The following KIF1B variants were observed in gnomAD, a reference collection of about 807,000 sequenced individuals.
KIF1B encodes kinesin-like protein KIF1B.
A neutral mutation model predicts 241.9 loss-of-function variants in KIF1B; 76 were observed. The ratio of observed to expected loss-of-function variants is 0.31; its 90% confidence interval spans 0.26 to 0.38. The LOEUF (loss-of-function observed/expected upper bound fraction) is 0.38. KIF1B is among the 10% of genes least tolerant of loss of function. The probability of loss-of-function intolerance (pLI) is 1.00; values close to 1 mark genes in which losing one functional copy is unlikely to be tolerated. For synonymous variants in KIF1B, 750 were observed against 796.7 expected (o/e 0.94, Z 0.99); for missense variants, 1,622 against 2,271.4 (o/e 0.71, Z 5.81).
At chr1:10,280,885 C>T (rs927048755) in intron 14 of KIF1B, among the ~76,000 whole-genome samples, 3 of 152,122 alleles carry the variant, frequency 2.0e-5, no homozygotes, top group Non-Finnish European at 2.9e-5. Flanking sequence ...GCAGCCCTGA[C>T]TCCTTCTCAG....
chr1:10,346,397 C>T (rs1652591736), intron 35 of KIF1B, among the ~76,000 whole-genome samples: 1 of 151,642 alleles, frequency 6.6e-6, no homozygotes, highest in South Asian at 2.1e-4. Context: ...TGGAGGCTTG[C>T]TCTGTTGCCC....
At chr1:10,351,972 C>CAA (rs35296006) in intron 37 of KIF1B, among the ~76,000 whole-genome samples, 2 of 145,526 alleles carry the variant, frequency 1.4e-5, no homozygotes, top group Admixed American at 6.8e-5. Context: ...GACATTGTTT[C>CAA]AAAAAAAAAA....
intron 2 of KIF1B, among the ~76,000 whole-genome samples, chr1:10,237,008 T>C (rs1320636771): frequency 6.6e-6 from 1 of 152,196 alleles, no homozygotes; most frequent in Non-Finnish European, 1.5e-5. Flanking sequence ...GCAGATGGAA[T>C]GCACTAGAAT....
chr1:10,309,375 A>G (rs535735343), intron 22 of KIF1B, among the ~76,000 whole-genome samples: 1 of 152,352 alleles, frequency 6.6e-6, no homozygotes, highest in South Asian at 2.1e-4. Flanking sequence ...AGGGTGACAC[A>G]GAAGATTACA....
In KIF1B at chr1:10,374,258, C is replaced by T; in HGVS notation, c.4947-58C>T. On this transcript the variant is annotated intron_variant, in intron 45 of 48. Coordinates refer to ENST00000676179, the MANE Select transcript of KIF1B (RefSeq NM_001365951.3). The surrounding 1 kb of genome is among the most constrained non-coding windows in gnomAD (Gnocchi z 4.3). ...TCCCAGTGAAACAGTACTCAGTATG[C>T]CTTGATTGTAACTGATTCTCTTGTT... is the stretch of plus-strand genomic sequence containing the variant. 1 of 1,553,026 alleles carries T rather than the reference C, an allele frequency of 6.4e-7. No homozygotes were observed. Among genetic ancestry groups the T allele is most frequent in the Non-Finnish European group, 8.9e-7 (1 of 1,124,712 alleles).
chr1:10,321,531 A>G (rs555266787), intron 23 of KIF1B, among the ~76,000 whole-genome samples, 178 bp from the exon 24 acceptor site: 29 of 152,346 alleles, frequency 1.9e-4, no homozygotes, highest in African/African-American at 6.3e-4. Context: ...TGAAATGTAT[A>G]TATTGCTTTC....
chr1:10,310,576 C>T lies in KIF1B; in HGVS notation c.2116-9467C>T, dbSNP rs796641240. Among the ~76,000 whole-genome samples the T allele has an allele frequency of 4.3e-4, 65 of 151,638 alleles. 2 individuals are homozygous for T. The highest frequency in any genetic ancestry group is 1.5e-3 in the African/African-American group (62 of 40,966). On this transcript the variant is annotated intron_variant, in intron 22 of 48. Transcript: ENST00000676179. ...AACAGGCAGTGGGCTGGATCTAGCC[C>T]GAAGGCCATAGTTTGCCGACCCCGA...
intron 24 of KIF1B, among the ~76,000 whole-genome samples, chr1:10,322,589 C>T (rs1279314748): frequency 6.6e-6 from 1 of 152,240 alleles, no homozygotes; most frequent in African/African-American, 2.4e-5. Flanking sequence ...CAGTGGAAGA[C>T]CATATTGTGT....
At chr1:10,321,367 G>A (rs772684325) in intron 23 of KIF1B, among the ~76,000 whole-genome samples, 1 of 152,062 alleles carries the variant, frequency 6.6e-6, no homozygotes, top group African/African-American at 2.4e-5. Context: ...GCCTTCCAAA[G>A]TGCTGGGATT....
chr1:10,244,009 T>C (rs1647173182), intron 2 of KIF1B, among the ~76,000 whole-genome samples: 2 of 152,206 alleles, frequency 1.3e-5, no homozygotes, highest in South Asian at 2.1e-4. Context: ...AGAAGAGTTA[T>C]AATTTTTTTC....
intron 27 of KIF1B, 58 bp from the exon 28 acceptor site, chr1:10,334,462 A>C: frequency 7.7e-7 from 1 of 1,295,788 alleles, no homozygotes; most frequent in Non-Finnish European, 1.1e-6. Context: ...GTGAATCTGA[A>C]AGCCAGTTTA....
In KIF1B at chr1:10,377,125, GAAA is replaced by G; in HGVS notation, c.*543_*545del. The stretch of plus-strand genomic sequence containing the variant: ...ATCTGGCCTTTTTAGAACCTGAGAG[GAAA>G]AAAAGAGTCTTTTTTTCCCCTCTGT... On this transcript the variant is annotated 3_prime_UTR_variant, in exon 49 of 49. Transcript: ENST00000676179. 1 of 239,782 alleles carries G rather than the reference GAAA, an allele frequency of 4.2e-6. No individual in the cohort carries two copies. The highest frequency in any genetic ancestry group is 5.9e-5 in the East Asian group (1 of 16,812). The allele number at this position is 239,782 out of a possible 1,614,324, so 14.9% of individuals were successfully genotyped here.
At chr1:10,318,810 T>A (rs1020916096) in intron 22 of KIF1B, among the ~76,000 whole-genome samples, 1 of 152,198 alleles carries the variant, frequency 6.6e-6, no homozygotes, top group Non-Finnish European at 1.5e-5. Flanking sequence ...GGTCTCTTTC[T>A]TAACCCTACT....
intron 1 of KIF1B, among the ~76,000 whole-genome samples, chr1:10,231,368 G>A (rs941580985): frequency 7.2e-6 from 1 of 139,154 alleles, no homozygotes; most frequent in Admixed American, 7.3e-5. Flanking sequence ...TGTATGGAGA[G>A]TTCAGTGCCC....
intron 1 of KIF1B, among the ~76,000 whole-genome samples, chr1:10,216,113 G>A (rs1014261347): frequency 6.6e-6 from 1 of 152,078 alleles, no homozygotes; most frequent in African/African-American, 2.4e-5. Context: ...ACTAAAACAG[G>A]CCAAGTGACT....
At chr1:10,295,016 A>G in intron 17 of KIF1B, 70 bp from the exon 18 acceptor site, 1 of 976,814 alleles carries the variant, frequency 1.0e-6, no homozygotes, top group Non-Finnish European at 1.7e-6. Flanking sequence ...GGCCTCTTGT[A>G]GGCCCCTGTT....
rs572188699 is a variant in KIF1B, at chr1:10,219,836, G to A, written c.-80+8958G>A. 4.6e-5 allele frequency among the ~76,000 whole-genome samples: 7 copies of A among 152,278 alleles called. 2 individuals are homozygous for A. Among genetic ancestry groups the A allele is most frequent in the African/African-American group, 1.7e-4 (7 of 41,568 alleles). On this transcript the variant is annotated intron_variant, in intron 1 of 48. Transcript: ENST00000676179. The stretch of plus-strand genomic sequence containing the variant: ...TAATCCCAGCACTTTGGGAGGCCTA[G>A]GTGAGAGGATTGCTTGCGCCCAATA...
chr1:10,235,862 CAAAAAAAAAA>C (rs70997211), intron 2 of KIF1B, among the ~76,000 whole-genome samples: 3 of 70,380 alleles, frequency 4.3e-5, no homozygotes, highest in Admixed American at 1.8e-4. Flanking sequence ...AACACTGTCT[CAAAAAAAAAA>C]AAAAAAAAAA....
At position 10,346,149 on chromosome 1, in the gene KIF1B, C is replaced by G. The variant is rs11803480; in HGVS notation, c.3797+196C>G. On this transcript the variant is annotated intron_variant, in intron 35 of 48. Coordinates refer to ENST00000676179, the MANE Select transcript of KIF1B (RefSeq NM_001365951.3). ...GGTTGGTCTTGACCACTCCTGGCCT[C>G]AAGCAGTCCTCCTGCTTCGACCTCC... Among the ~76,000 whole-genome samples the G allele has an allele frequency of 0.031, 4,742 of 152,194 alleles. 243 individuals carry two copies. The highest frequency in any genetic ancestry group is 0.11 in the African/African-American group (4,502 of 41,494).
Sources: gnomAD v4.1 joint callset for allele counts (sites outside exome capture counted in the v4.1 genomes callset) on GRCh38, gnomAD v4.1.1 for gene constraint, Gnocchi (gnomAD v3.1) non-coding constraint, MANE v1.5 for transcripts, NCBI Gene and HGNC (gene_info 2026-07-23, HGNC 2026-07-21) for gene names.